PTPN14: variants seen among roughly 807,000 people sequenced by gnomAD.
PTPN14 encodes the protein protein tyrosine phosphatase non-receptor type 14.
A neutral mutation model predicts 126.8 loss-of-function variants in PTPN14; 53 were observed. The ratio of observed to expected loss-of-function variants is 0.42; its 90% CI spans 0.34 to 0.53. PTPN14 has a LOEUF of 0.53. Ranked by LOEUF, PTPN14 falls within the 20% of genes least tolerant of loss-of-function variation. The pLI, the probability that PTPN14 is intolerant of heterozygous loss-of-function variation, is 0.08. For synonymous variants in PTPN14, 630 were observed against 599.3 expected, an observed-to-expected ratio of 1.05 and a Z score of -0.75; for missense variants, 1,257 against 1,552.9, an observed-to-expected ratio of 0.81 and a Z score of 3.20.
intron 1 of PTPN14, among the ~76,000 whole-genome samples, chr1:214,495,163 A>G (rs1450197128): frequency 6.6e-6 from 1 of 152,222 alleles, no homozygotes; most frequent in Non-Finnish European, 1.5e-5. Context: ...ACTGAATTTC[A>G]ATACTATGTT....
intron 1 of PTPN14, among the ~76,000 whole-genome samples, chr1:214,497,646 C>T (rs1654562498): frequency 6.6e-6 from 1 of 152,156 alleles, no homozygotes; most frequent in African/African-American, 2.4e-5. Context: ...TTTATAAGAA[C>T]TAGAATGATC....
intron 1 of PTPN14, among the ~76,000 whole-genome samples, chr1:214,534,794 T>A (rs1050442690): frequency 2.6e-5 from 4 of 152,058 alleles, no homozygotes; most frequent in African/African-American, 9.7e-5. Flanking sequence ...AGATATCCCA[T>A]CCAGTTCCCT....
At chr1:214,462,304 G>A (rs1029291977) in intron 2 of PTPN14, among the ~76,000 whole-genome samples, 3 of 151,948 alleles carry the variant, frequency 2.0e-5, no homozygotes, top group Admixed American at 1.3e-4. Flanking sequence ...GTTGACTTTT[G>A]CCTTCTCACT....
intron 17 of PTPN14, among the ~76,000 whole-genome samples, chr1:214,365,945 A>G (rs958743576): frequency 6.6e-6 from 1 of 152,174 alleles, no homozygotes; most frequent in African/African-American, 2.4e-5. Context: ...TGGGCGGATC[A>G]CCTGAGGTCA....
chr1:214,403,784 G>A (rs895220268), intron 5 of PTPN14, among the ~76,000 whole-genome samples: 1 of 152,228 alleles, frequency 6.6e-6, no homozygotes, highest in African/African-American at 2.4e-5. Context: ...GATAGAGGTA[G>A]AGATTCTAGA....
At chr1:214,486,345 C>T (rs1035544360) in intron 1 of PTPN14, among the ~76,000 whole-genome samples, 6 of 152,178 alleles carry the variant, frequency 3.9e-5, no homozygotes, top group Non-Finnish European at 8.8e-5. Flanking sequence ...CTGAGATACA[C>T]TAGCTAGTGA....
At chr1:214,511,314 T>C (rs2102444111) in intron 1 of PTPN14, among the ~76,000 whole-genome samples, 1 of 152,230 alleles carries the variant, frequency 6.6e-6, no homozygotes, top group East Asian at 1.9e-4. Context: ...TTATAACTCT[T>C]CAAAACTCAC....
chr1:214,387,568 A>T (rs967148093), intron 11 of PTPN14, among the ~76,000 whole-genome samples: 2 of 151,826 alleles, frequency 1.3e-5, no homozygotes, highest in African/African-American at 4.8e-5. Context: ...AGTCCCAGCT[A>T]CTTGGGAGGC....
chr1:214,468,926 T>C (rs1660697368), intron 1 of PTPN14, among the ~76,000 whole-genome samples: 1 of 152,204 alleles, frequency 6.6e-6, no homozygotes, highest in Non-Finnish European at 1.5e-5. Context: ...ATGTTAAAAA[T>C]ATCAGCACAC....
At chr1:214,511,749 G>A (rs974900989) in intron 1 of PTPN14, among the ~76,000 whole-genome samples, 2 of 152,154 alleles carry the variant, frequency 1.3e-5, no homozygotes, top group African/African-American at 4.8e-5. Context: ...ATTCATGGCA[G>A]GCAAAAGGTG....
intron 3 of PTPN14, among the ~76,000 whole-genome samples, chr1:214,415,542 T>C (rs17022870): frequency 0.012 from 1,865 of 152,324 alleles, 47 homozygotes; most frequent in African/African-American, 0.042. Context: ...CTAACAATCC[T>C]TTTGCTCCTG....
At chr1:214,411,370 T>G (rs1659305210) in intron 5 of PTPN14, among the ~76,000 whole-genome samples, 1 of 152,060 alleles carries the variant, frequency 6.6e-6, no homozygotes, top group Non-Finnish European at 1.5e-5. Context: ...CCCTAAAGAT[T>G]CCACAAAAAA....
intron 5 of PTPN14, among the ~76,000 whole-genome samples, chr1:214,408,975 T>C (rs932610781): frequency 4.6e-5 from 7 of 152,206 alleles, no homozygotes; most frequent in East Asian, 1.9e-4. Flanking sequence ...TTTAATTCTA[T>C]TGACAAATAA....
At chr1:214,504,447 C>A (rs373774571) in intron 1 of PTPN14, among the ~76,000 whole-genome samples, 25 of 152,224 alleles carry the variant, frequency 1.6e-4, no homozygotes, top group African/African-American at 5.5e-4. Context: ...CTCTTCCTGT[C>A]GCACCAAAAC....
At position 214,384,367 on chromosome 1, in the gene PTPN14, G is replaced by A. The variant is rs896145017; in HGVS notation, c.1488C>T (p.Tyr496=). ...SQPEMRERHP[Y]TVPYGPQGVY... ...CCCCCTGTGGCCCATAAGGGACAGT[G>A]TAGGGGTGCCTCTCCCGCATCTCCG... is the stretch of plus-strand genomic sequence containing the variant. The change falls in exon 13 of 19, where the codon TAC becomes TAT. Residue 496 remains tyrosine, a synonymous_variant. Transcript: ENST00000366956. This position sits in a 1 kb window ranked among gnomAD's most constrained non-coding sequence, Gnocchi z 5.3. 6.8e-6 allele frequency: 11 copies of A among 1,614,064 alleles called. No individual in the cohort carries two copies. The highest frequency in any genetic ancestry group is 9.3e-6 in the Non-Finnish European group (11 of 1,180,046).
intron 1 of PTPN14, among the ~76,000 whole-genome samples, chr1:214,465,401 G>C (rs1660613053): frequency 6.6e-6 from 1 of 152,114 alleles, no homozygotes; most frequent in Non-Finnish European, 1.5e-5. Context: ...CTTAAGCCCA[G>C]GAGTCCAAAA....
At chr1:214,361,764 G>A (rs1326451378) in intron 18 of PTPN14, among the ~76,000 whole-genome samples, 4 of 152,146 alleles carry the variant, frequency 2.6e-5, no homozygotes, top group Admixed American at 2.6e-4. Context: ...AAAACTCTAT[G>A]CACCTTAAAA....
chr1:214,508,953 A>T (rs1654906657), intron 1 of PTPN14, among the ~76,000 whole-genome samples: 1 of 152,214 alleles, frequency 6.6e-6, no homozygotes, highest in African/African-American at 2.4e-5. Flanking sequence ...GTGAGCTTAA[A>T]ATATTCAGTA....
At chr1:214,387,015 G>T in intron 11 of PTPN14, 93 bp from the exon 12 acceptor site, 1 of 1,183,110 alleles carries the variant, frequency 8.5e-7, no homozygotes, top group Non-Finnish European at 1.2e-6. Context: ...GTCCCGCCAC[G>T]TTGTAAGGGA....
Sources: gnomAD v4.1 joint callset for allele counts (sites outside exome capture counted in the v4.1 genomes callset) on GRCh38, gnomAD v4.1.1 for gene constraint, Gnocchi (gnomAD v3.1) non-coding constraint, MANE v1.5 for transcripts, NCBI Gene and HGNC (gene_info 2026-07-23, HGNC 2026-07-21) for gene names.